GALNT2: variants seen among roughly 807,000 people sequenced by gnomAD.
GALNT2 encodes UDP-GalNAc:polypeptide N-acetylgalactosaminyltransferase 2.
Under a neutral mutation model 81.4 loss-of-function variants are expected in GALNT2, and 31 were observed. That is an observed-to-expected ratio of 0.38 (90% confidence interval 0.29 to 0.51). The LOEUF (loss-of-function observed/expected upper bound fraction) is 0.51, where lower values mean the gene tolerates loss of function less well. GALNT2 is among the 20% of genes least tolerant of loss of function. The pLI, the probability that GALNT2 is intolerant of heterozygous loss-of-function variation, is 0.87. For synonymous variants in GALNT2, 303 were observed against 287.4 expected (o/e 1.05, Z -0.55); for missense variants, 629 against 765.7 (o/e 0.82, Z 2.11).
chr1:230,246,045 C>G lies in GALNT2; in HGVS notation c.730-18C>G, dbSNP rs187742634. 2 of 1,600,846 alleles carry G rather than the reference C, an allele frequency of 1.2e-6. No homozygotes were observed. Among genetic ancestry groups the G allele is most frequent in the Non-Finnish European group, 1.7e-6 (2 of 1,168,108 alleles). On this transcript the variant is annotated intron_variant, in intron 7 of 15. Transcript: ENST00000366672. ...TTTTGCTGGGATTTTGATAACTACT[C>G]CTCTCTTTGTATTTTAGGACAGGAC...
intron 2 of GALNT2, among the ~76,000 whole-genome samples, chr1:230,200,116 G>A (rs1663840647): frequency 6.9e-6 from 1 of 144,790 alleles, no homozygotes; most frequent in African/African-American, 2.6e-5. Flanking sequence ...AGGCTGGAGT[G>A]CAGTGGTGCA....
At chr1:230,080,250 G>A (rs932233823) in intron 1 of GALNT2, among the ~76,000 whole-genome samples, 1 of 152,176 alleles carries the variant, frequency 6.6e-6, no homozygotes, top group African/African-American at 2.4e-5. Context: ...TTGTTTGGAA[G>A]CGAAGCTCTC....
At chr1:230,168,290 C>T (rs972917067) in intron 1 of GALNT2, among the ~76,000 whole-genome samples, 1 of 152,244 alleles carries the variant, frequency 6.6e-6, no homozygotes, top group African/African-American at 2.4e-5. Context: ...AGCTGACCTG[C>T]TTCATAAACT....
rs535126981 is a variant in GALNT2, at chr1:230,236,734, C to T, written c.607+9C>T. ...AAATGATCGACGAGAAGGTAAGATT[C>T]TTCTTAATTCAGCGCCAAGACAGTT... On this transcript the variant is annotated intron_variant, in intron 6 of 15. Coordinates refer to ENST00000366672, the MANE Select transcript of GALNT2 (RefSeq NM_004481.5). The T allele has an allele frequency of 5.6e-6, 9 of 1,610,838 alleles. No homozygotes were observed. Among genetic ancestry groups the T allele is most frequent in the Non-Finnish European group, 2.5e-6 (3 of 1,179,030 alleles).
rs1371387274 is a variant in GALNT2, at chr1:230,095,754, AG to A, written c.126+28352del. On this transcript the variant is annotated intron_variant, in intron 1 of 15. Coordinates refer to ENST00000366672, the MANE Select transcript of GALNT2 (RefSeq NM_004481.5). ...GGGCGTGGTGCAGGCTCTGTCCTTG[AG>A]GGGCCTGGTAGCCCCACCTGGGTCC... Among the ~76,000 whole-genome samples the A allele has an allele frequency of 4.6e-5, 7 of 152,286 alleles. No homozygotes were observed. The East Asian group carries it at 1.2e-3, about 25-fold the overall frequency.
At chr1:230,142,192 C>T (rs1661763531) in intron 1 of GALNT2, among the ~76,000 whole-genome samples, 2 of 152,136 alleles carry the variant, frequency 1.3e-5, no homozygotes, top group South Asian at 4.1e-4. Context: ...AGAACGGTGG[C>T]ATCCCAGCCA....
intron 3 of GALNT2, among the ~76,000 whole-genome samples, chr1:230,225,532 G>T (rs1664679485): frequency 6.6e-6 from 1 of 152,176 alleles, no homozygotes; most frequent in Non-Finnish European, 1.5e-5. Flanking sequence ...GCTTAGGCTT[G>T]ACTCTCTCTG....
intron 1 of GALNT2, among the ~76,000 whole-genome samples, chr1:230,096,517 G>GT (rs1215061458): frequency 6.6e-6 from 1 of 151,774 alleles, no homozygotes; most frequent in East Asian, 1.9e-4. Flanking sequence ...CCTTCTTTCT[G>GT]TCCCACCAGG....
chr1:230,063,575 T>C (rs1331531223), upstream of GALNT2, among the ~76,000 whole-genome samples: 1 of 152,204 alleles, frequency 6.6e-6, no homozygotes, highest in Non-Finnish European at 1.5e-5. Flanking sequence ...ACCTGCCCCA[T>C]GTACAATGGA....
chr1:230,238,565 G>A (rs148463812), intron 6 of GALNT2, among the ~76,000 whole-genome samples: 111 of 152,304 alleles, frequency 7.3e-4, no homozygotes, highest in African/African-American at 2.5e-3. Flanking sequence ...AATGACAATA[G>A]TAGGACCAAA....
intron 2 of GALNT2, among the ~76,000 whole-genome samples, chr1:230,181,891 TATTA>T (rs1663172067): frequency 6.6e-6 from 1 of 152,216 alleles, no homozygotes; most frequent in African/African-American, 2.4e-5. Context: ...TTGGGAAGAT[TATTA>T]ATTATTGATT....
intron 3 of GALNT2, among the ~76,000 whole-genome samples, chr1:230,207,166 C>T (rs1049625349): frequency 2.0e-5 from 3 of 151,972 alleles, no homozygotes; most frequent in Non-Finnish European, 4.4e-5. Flanking sequence ...AATTGTTTAG[C>T]AGAGTGCCTG....
At chr1:230,247,226 C>G (rs1327230424) in intron 8 of GALNT2, among the ~76,000 whole-genome samples, 4 of 152,182 alleles carry the variant, frequency 2.6e-5, no homozygotes, top group Non-Finnish European at 5.9e-5. Context: ...TATTCATACA[C>G]ACACACATAT....
At chr1:230,247,949 C>CA (rs1228481759) in intron 8 of GALNT2, among the ~76,000 whole-genome samples, 1 of 152,190 alleles carries the variant, frequency 6.6e-6, no homozygotes, top group Non-Finnish European at 1.5e-5. Context: ...ACAGCCAGGA[C>CA]ATTGTTTTTC....
chr1:230,062,335 CAA>C (rs1312354514), upstream of GALNT2, among the ~76,000 whole-genome samples: 1 of 152,060 alleles, frequency 6.6e-6, no homozygotes, highest in Non-Finnish European at 1.5e-5. Context: ...TAATTTCTCC[CAA>C]CTTGTCATTT....
intron 2 of GALNT2, among the ~76,000 whole-genome samples, chr1:230,196,777 C>T (rs1002447242): frequency 1.3e-5 from 2 of 152,090 alleles, no homozygotes; most frequent in Non-Finnish European, 2.9e-5. Context: ...GGCTTTGTGG[C>T]CCTCAATAGC....
chr1:230,128,259 G>GTGTGTGTGTGTGTGTGTGTA (rs1661255517), intron 1 of GALNT2, among the ~76,000 whole-genome samples: 1 of 149,988 alleles, frequency 6.7e-6, no homozygotes, highest in East Asian at 1.9e-4. Context: ...GCTGGAGAAT[G>GTGTGTGTGTGTGTGTGTGTA]TGTGTGTGTG....
chr1:230,208,027 C>T (rs2102710924), intron 3 of GALNT2, among the ~76,000 whole-genome samples: 1 of 152,302 alleles, frequency 6.6e-6, no homozygotes, highest in South Asian at 2.1e-4. Context: ...GGATATCCCT[C>T]ACCTCTAACA....
intron 2 of GALNT2, among the ~76,000 whole-genome samples, chr1:230,179,115 C>T (rs905337131): frequency 6.6e-6 from 1 of 150,754 alleles, no homozygotes; most frequent in Non-Finnish European, 1.5e-5. Context: ...ATTTAAGGTT[C>T]CTCCATGTCT....
Sources: gnomAD v4.1 joint callset for allele counts (sites outside exome capture counted in the v4.1 genomes callset) on GRCh38, gnomAD v4.1.1 for gene constraint, MANE v1.5 for transcripts, NCBI Gene and HGNC (gene_info 2026-07-23, HGNC 2026-07-21) for gene names.